PTPRN2: variants seen among roughly 807,000 people sequenced by gnomAD.
PTPRN2 encodes protein tyrosine phosphatase receptor type N2, also known as receptor-type tyrosine-protein phosphatase N2.
Under a neutral mutation model 118.8 loss-of-function variants are expected in PTPRN2, and 74 were observed. The observed-to-expected ratio is 0.62, with a 90% CI of 0.52 to 0.76. The LOEUF is 0.76. Among genes scored for constraint, PTPRN2 ranks in the 30% least tolerant of loss-of-function variants. The pLI is 0.00. For synonymous variants in PTPRN2, 641 were observed against 608.0 expected, an observed-to-expected ratio of 1.05 and a Z score of -0.80; for missense variants, 1,481 against 1,394.4, an observed-to-expected ratio of 1.06 and a Z score of -0.99.
Position 157,944,948 on chromosome 7 carries a change from G to A in PTPRN2, c.1724-46211C>T, listed in dbSNP as rs1354344881. On this transcript the variant is annotated intron_variant, in intron 11 of 22. Transcript: ENST00000389418. This position sits in a 1 kb window ranked among gnomAD's most constrained non-coding sequence, Gnocchi z 4.3. ...AAACAGAGACTCTGAAATAAACACC[G>A]TGCCGAATGGAGCCTGTGCAGCTCC... is the stretch of plus-strand genomic sequence containing the variant. Among the ~76,000 whole-genome samples, 2 of 152,146 alleles carry A rather than the reference G, an allele frequency of 1.3e-5. No homozygotes were observed. The highest frequency in any genetic ancestry group is 2.9e-5 in the Non-Finnish European group (2 of 68,022).
chr7:158,336,819 A>C (rs28519671), intron 2 of PTPRN2, among the ~76,000 whole-genome samples: 1 of 94,070 alleles, frequency 1.1e-5, no homozygotes, highest in Non-Finnish European at 2.4e-5. Context: ...CACCATAAGA[A>C]GTGACACCTG....
intron 11 of PTPRN2, among the ~76,000 whole-genome samples, chr7:157,900,454 CT>C (rs772970758): frequency 1.3e-5 from 2 of 152,246 alleles, no homozygotes; most frequent in Non-Finnish European, 2.9e-5. Flanking sequence ...TCTGTCCATC[CT>C]TGACCTCAAC....
At chr7:157,952,117 GAA>G (rs1285498633) in intron 11 of PTPRN2, among the ~76,000 whole-genome samples, 3 of 152,214 alleles carry the variant, frequency 2.0e-5, no homozygotes, top group Admixed American at 1.3e-4. Context: ...GCTCACCCAA[GAA>G]AAGAGTCAAG....
intron 2 of PTPRN2, among the ~76,000 whole-genome samples, chr7:158,407,982 T>C (rs144920826): frequency 2.7e-4 from 41 of 152,334 alleles, no homozygotes; most frequent in African/African-American, 7.5e-4. Context: ...AGATATCCAA[T>C]GACTCAAGTC....
intron 2 of PTPRN2, among the ~76,000 whole-genome samples, chr7:158,409,968 G>A (rs902078314): frequency 1.1e-4 from 17 of 152,222 alleles, no homozygotes; most frequent in African/African-American, 4.1e-4. Context: ...AGAAGATGGG[G>A]TGTGCCCCCA....
chr7:157,832,853 G>A (rs946677919), intron 12 of PTPRN2, among the ~76,000 whole-genome samples: 6 of 152,248 alleles, frequency 3.9e-5, no homozygotes, highest in Non-Finnish European at 8.8e-5. Flanking sequence ...TGATCAGAAT[G>A]GGGACAGTGG....
chr7:158,476,606 G>T (rs148428376), intron 2 of PTPRN2, among the ~76,000 whole-genome samples: 2 of 152,258 alleles, frequency 1.3e-5, no homozygotes, highest in African/African-American at 2.4e-5. Context: ...TGTCTGTGCC[G>T]CCAAGGGGCC....
intron 2 of PTPRN2, among the ~76,000 whole-genome samples, chr7:158,369,999 C>A (rs940673478): frequency 4.6e-5 from 7 of 152,156 alleles, no homozygotes; most frequent in African/African-American, 1.7e-4. Flanking sequence ...GCAGAACTGT[C>A]CCGGGAAGTC....
chr7:158,162,824 G>T (rs1822484665), intron 6 of PTPRN2, among the ~76,000 whole-genome samples: 1 of 152,210 alleles, frequency 6.6e-6, no homozygotes, highest in South Asian at 2.1e-4. Context: ...CAGCCTCGTT[G>T]ACTGACTGCT....
At chr7:158,453,742 T>A (rs1289776694) in intron 2 of PTPRN2, among the ~76,000 whole-genome samples, 1 of 152,250 alleles carries the variant, frequency 6.6e-6, no homozygotes, top group Non-Finnish European at 1.5e-5. Flanking sequence ...GCCTCATGTC[T>A]CCTAAGTACT....
intron 21 of PTPRN2, among the ~76,000 whole-genome samples, chr7:157,564,243 T>C (rs1799373125): frequency 6.6e-6 from 1 of 152,222 alleles, no homozygotes; most frequent in African/African-American, 2.4e-5. Flanking sequence ...GTGATTCTCC[T>C]GCCTCAGCCT....
chr7:158,072,026 A>AGGTGCTCC (rs1563394606), intron 11 of PTPRN2, among the ~76,000 whole-genome samples: 12 of 70,536 alleles, frequency 1.7e-4, no homozygotes, highest in African/African-American at 7.4e-4. Context: ...GGAGGTGCTC[A>AGGTGCTCC]TGGTGGAGGT....
chr7:157,643,031 C>T (rs934052511), intron 14 of PTPRN2, among the ~76,000 whole-genome samples: 3 of 152,098 alleles, frequency 2.0e-5, no homozygotes, highest in South Asian at 2.1e-4. Flanking sequence ...AGGTAGTCCC[C>T]GCTTATGATG....
chr7:158,169,094 G>T lies in PTPRN2; in HGVS notation c.550-1803C>A, dbSNP rs540300300. ...GGTGGACACCTCGGCACTAGCTAAGGGTGTGCAGCCATCACTGACAGTAAG... is the reference window on the plus strand; with the variant it reads ...GGTGGACACCTCGGCACTAGCTAAGTGTGTGCAGCCATCACTGACAGTAAG... On this transcript the variant is annotated intron_variant, in intron 5 of 22. Coordinates refer to ENST00000389418, the MANE Select transcript of PTPRN2 (RefSeq NM_002847.5). 3.1e-4 allele frequency among the ~76,000 whole-genome samples: 47 copies of T among 152,256 alleles called. No individual in the cohort carries two copies. The South Asian group carries it at 8.7e-3, about 28-fold the overall frequency.
chr7:157,826,536 G>A (rs1261735707), intron 12 of PTPRN2, among the ~76,000 whole-genome samples: 3 of 137,768 alleles, frequency 2.2e-5, no homozygotes, highest in Non-Finnish European at 4.7e-5. Flanking sequence ...AATCGCGAGC[G>A]CCATTTCCAC....
chr7:158,530,187 C>A (rs1825114738), intron 1 of PTPRN2, among the ~76,000 whole-genome samples: 3 of 152,182 alleles, frequency 2.0e-5, no homozygotes, highest in African/African-American at 7.2e-5. Context: ...TCCATCAAAG[C>A]CTGTCGATCC....
At chr7:157,567,661 T>C (rs1799555174) in intron 21 of PTPRN2, among the ~76,000 whole-genome samples, 1 of 152,078 alleles carries the variant, frequency 6.6e-6, no homozygotes, top group African/African-American at 2.4e-5. Context: ...GGGCCAGTGA[T>C]GGAGAATGGG....
intron 21 of PTPRN2, 22 bp from the exon 22 acceptor site, chr7:157,549,041 G>C (rs764517449): frequency 1.1e-5 from 17 of 1,611,106 alleles, no homozygotes; most frequent in Admixed American, 6.7e-5. Context: ...CACAAATTGG[G>C]CTGAGTTCAG....
intron 13 of PTPRN2, among the ~76,000 whole-genome samples, chr7:157,673,212 C>T (rs1357358158): frequency 2.0e-5 from 3 of 152,096 alleles, no homozygotes; most frequent in East Asian, 1.9e-4. Context: ...TTAATAGAGA[C>T]GGGGTTTCGC....
Sources: allele counts gnomAD v4.1 joint callset (sites outside exome capture counted in the v4.1 genomes callset), GRCh38; gene constraint gnomAD v4.1.1; non-coding constraint Gnocchi (gnomAD v3.1); transcripts MANE v1.5; gene names NCBI Gene and HGNC (gene_info 2026-07-23, HGNC 2026-07-21).